The following JAKMIP2 variants were observed in gnomAD, a reference collection of about 807,000 sequenced individuals.
JAKMIP2 encodes janus kinase and microtubule-interacting protein 2.
In JAKMIP2, 25 loss-of-function variants were observed where a neutral mutation model predicts 115.0. That is an observed-to-expected ratio of 0.22 (90% CI 0.16 to 0.30). The LOEUF (loss-of-function observed/expected upper bound fraction) is 0.30, where lower values mean the gene tolerates loss of function less well. JAKMIP2 is among the 10% of genes least tolerant of loss of function. The pLI, the probability that JAKMIP2 is intolerant of heterozygous loss-of-function variation, is 1.00. For synonymous variants in JAKMIP2, 334 were observed against 343.6 expected (o/e 0.97, Z 0.31); for missense variants, 642 against 957.6 (o/e 0.67, Z 4.35).
intron 1 of JAKMIP2, among the ~76,000 whole-genome samples, chr5:147,753,346 C>T (rs754105152): frequency 9.9e-5 from 15 of 152,134 alleles, no homozygotes; most frequent in Non-Finnish European, 1.3e-4. Flanking sequence ...ATTCTACATA[C>T]AGATTTAGAA....
chr5:147,768,053 G>T (rs906875647), intron 1 of JAKMIP2, among the ~76,000 whole-genome samples: 1 of 151,940 alleles, frequency 6.6e-6, no homozygotes, highest in African/African-American at 2.4e-5. Context: ...GGCAAGACAG[G>T]TTACAAAACC....
intron 1 of JAKMIP2, among the ~76,000 whole-genome samples, chr5:147,674,499 G>C (rs959766628): frequency 3.3e-5 from 5 of 152,188 alleles, no homozygotes; most frequent in African/African-American, 9.7e-5. Flanking sequence ...AGAAAAGGTT[G>C]TGAAATGGAA....
intron 1 of JAKMIP2, among the ~76,000 whole-genome samples, chr5:147,690,653 T>G (rs937732754): frequency 1.3e-5 from 2 of 150,728 alleles, no homozygotes; most frequent in African/African-American, 4.9e-5. Context: ...TGGAAAGATA[T>G]ATGAGGTAAC....
intron 1 of JAKMIP2, among the ~76,000 whole-genome samples, chr5:147,691,179 G>A (rs568774052): frequency 1.3e-5 from 2 of 152,094 alleles, no homozygotes; most frequent in Admixed American, 1.3e-4. Flanking sequence ...GATTGTATAT[G>A]AGAAAACACT....
At position 147,657,149 on chromosome 5, in the gene JAKMIP2, G is replaced by A. The variant is rs186372715; in HGVS notation, c.627+3799C>T. On this transcript the variant is annotated intron_variant, in intron 3 of 21. Coordinates refer to ENST00000616793, the MANE Select transcript of JAKMIP2 (RefSeq NM_001270941.2). Reference sequence around the variant, plus strand: ...AAAAAAATTGGCCGGGCATGGTGGCGGGCGCCTGTAGTCCCGGCTATTCGG... The same window carrying A: ...AAAAAAATTGGCCGGGCATGGTGGCAGGCGCCTGTAGTCCCGGCTATTCGG... Among the ~76,000 whole-genome samples, 319 of 152,240 alleles carry A rather than the reference G, an allele frequency of 2.1e-3. 3 individuals are homozygous for A. Among genetic ancestry groups the A allele is most frequent in the African/African-American group, 6.6e-3 (276 of 41,546 alleles).
intron 1 of JAKMIP2, among the ~76,000 whole-genome samples, chr5:147,778,220 C>A (rs989287197): frequency 6.6e-6 from 1 of 152,036 alleles, no homozygotes; most frequent in African/African-American, 2.4e-5. Context: ...AATGCTTCTA[C>A]GTTTTTCTGA....
chr5:147,652,388 G>A (rs1192858555), intron 3 of JAKMIP2, among the ~76,000 whole-genome samples: 1 of 152,140 alleles, frequency 6.6e-6, no homozygotes, highest in Non-Finnish European at 1.5e-5. Flanking sequence ...CATTGAGAAA[G>A]CTTTATTGCG....
At chr5:147,634,835 T>C (rs1757535095) in intron 12 of JAKMIP2, among the ~76,000 whole-genome samples, 1 of 152,200 alleles carries the variant, frequency 6.6e-6, no homozygotes. Flanking sequence ...TTTTTCCTCC[T>C]TCTCATGCTT....
chr5:147,601,747 G>A lies in JAKMIP2; in HGVS notation c.*14C>T. ...GAATTAAATGGAATCTTACCTTTAAGAGGCACCTTGACATCAAGGCCATAG... is the reference window on the plus strand; with the variant it reads ...GAATTAAATGGAATCTTACCTTTAAAAGGCACCTTGACATCAAGGCCATAG... On this transcript the variant is annotated 3_prime_UTR_variant, in exon 21 of 22. Coordinates refer to ENST00000616793, the MANE Select transcript of JAKMIP2 (RefSeq NM_001270941.2). 6.6e-7 allele frequency: 1 copy of A among 1,524,068 alleles called. No homozygotes were observed. The allele number at this position is 1,524,068 out of a possible 1,614,324, so 94.4% of individuals were successfully genotyped here. A position where few individuals can be genotyped will look rare whatever the true frequency, so the allele number is the denominator to read the frequency against.
intron 21 of JAKMIP2, among the ~76,000 whole-genome samples, chr5:147,596,105 T>G (rs984909682): frequency 6.6e-6 from 1 of 152,090 alleles, no homozygotes; most frequent in Non-Finnish European, 1.5e-5. Context: ...CATGGTTCAT[T>G]AAGGGAAACT....
At chr5:147,678,234 C>A (rs75295323) in intron 1 of JAKMIP2, among the ~76,000 whole-genome samples, 3,561 of 152,248 alleles carry the variant, frequency 0.023, 151 homozygotes, top group African/African-American at 0.082. Context: ...GAACTTCTAA[C>A]CTCATGAACT....
intron 17 of JAKMIP2, among the ~76,000 whole-genome samples, chr5:147,623,224 C>CTTTT (rs199676287): frequency 5.2e-4 from 72 of 138,738 alleles, no homozygotes; most frequent in African/African-American, 1.8e-3. Flanking sequence ...TTGTTCTACT[C>CTTTT]TTTTTTTTTT....
chr5:147,650,293 A>C (rs1464652805), intron 4 of JAKMIP2, 45 bp downstream of exon 4: 1 of 1,246,906 alleles, frequency 8.0e-7, no homozygotes, highest in Non-Finnish European at 1.2e-6. Context: ...GGAGCTAAAT[A>C]AAAGATGACT....
chr5:147,747,152 T>C (rs1413430823), intron 1 of JAKMIP2, among the ~76,000 whole-genome samples: 1 of 152,100 alleles, frequency 6.6e-6, no homozygotes, highest in Non-Finnish European at 1.5e-5. Context: ...AAAACCAAGA[T>C]TCCTTTAAAC....
chr5:147,739,530 G>C (rs558607581), intron 1 of JAKMIP2, among the ~76,000 whole-genome samples: 131 of 152,190 alleles, frequency 8.6e-4, no homozygotes, highest in Non-Finnish European at 1.7e-3. Flanking sequence ...GACGAACAGA[G>C]GCTCACAGAA....
intron 1 of JAKMIP2, among the ~76,000 whole-genome samples, chr5:147,758,177 A>G (rs192008974): frequency 2.7e-4 from 41 of 152,282 alleles, no homozygotes; most frequent in African/African-American, 9.9e-4. Context: ...ACATGTAAAT[A>G]CTACAGTAAT....
intron 12 of JAKMIP2, among the ~76,000 whole-genome samples, chr5:147,634,352 C>T (rs1757509787): frequency 1.3e-5 from 2 of 152,020 alleles, no homozygotes; most frequent in African/African-American, 4.8e-5. Context: ...ACACTTATTA[C>T]TGGGCATCTC....
At chr5:147,601,988 T>C (rs916386426) in intron 20 of JAKMIP2, among the ~76,000 whole-genome samples, 177 bp from the exon 21 acceptor site, 4 of 152,226 alleles carry the variant, frequency 2.6e-5, no homozygotes, top group Non-Finnish European at 5.9e-5. Flanking sequence ...AGAGTATCAG[T>C]GTTCAACTAA....
At chr5:147,639,524 G>A in intron 10 of JAKMIP2, 108 bp downstream of exon 10, 1 of 1,290,018 alleles carries the variant, frequency 7.8e-7, no homozygotes, top group Non-Finnish European at 1.1e-6. Context: ...CTGCAGAGGA[G>A]AGAAGAATAC....
Sources: allele counts gnomAD v4.1 joint callset (sites outside exome capture counted in the v4.1 genomes callset), GRCh38; gene constraint gnomAD v4.1.1; transcripts MANE v1.5; gene names NCBI Gene and HGNC (gene_info 2026-07-23, HGNC 2026-07-21).